The following CASD1 variants were observed in gnomAD, a reference collection of about 807,000 sequenced individuals.
CASD1 encodes CAS1 domain sialic acid O acetyltransferase 1, also known as N-acetylneuraminate (7)9-O-acetyltransferase.
A neutral mutation model predicts 100.0 loss-of-function variants in CASD1; 41 were observed. The ratio of observed to expected loss-of-function variants is 0.41; its 90% CI spans 0.32 to 0.53. CASD1 has a LOEUF of 0.53. Ranked by LOEUF, CASD1 falls within the 20% of genes least tolerant of loss-of-function variation. The pLI, the probability that CASD1 is intolerant of heterozygous loss-of-function variation, is 0.25. For missense variants in CASD1, 774 were observed against 948.7 expected (o/e 0.82, Z 2.42); for synonymous variants, 321 against 315.6 (o/e 1.02, Z -0.18).
the CASD1 span, chr7:94,589,596 C>T: frequency 6.6e-6 from 1 of 152,612 alleles, no homozygotes; most frequent in Admixed American, 6.5e-5. Context: ...CTCCCCATCA[C>T]TTGCATTACC....
At chr7:94,550,254 CT>C (rs1795885514) in intron 14 of CASD1, among the ~76,000 whole-genome samples, 1 of 151,978 alleles carries the variant, frequency 6.6e-6, no homozygotes, top group South Asian at 2.1e-4. Flanking sequence ...TCATTCTTTC[CT>C]TTTTTCCTTT....
chr7:94,533,250 G>GT lies in CASD1; in HGVS notation c.504+2dup. ...TGTGATTGTAGCAGGAGCTGCCACA[G>GT]TAAGTTATCATCTGTATTCTTACTT... On this transcript the variant is annotated splice_donor_variant, in intron 6 of 17. Coordinates refer to ENST00000297273, the MANE Select transcript of CASD1 (RefSeq NM_022900.5). LOFTEE classifies it high-confidence loss of function. 4.4e-6 allele frequency: 7 copies of GT among 1,608,172 alleles called. No homozygotes were observed. The highest frequency in any genetic ancestry group is 2.2e-5 in the East Asian group (1 of 44,696).
the CASD1 span, among the ~76,000 whole-genome samples, chr7:94,569,308 TCATC>T: frequency 6.6e-6 from 1 of 152,172 alleles, no homozygotes; most frequent in Non-Finnish European, 1.5e-5. Context: ...GGAACTAACA[TCATC>T]AATAAAGGAA....
At chr7:94,588,092 G>A in the CASD1 span, 3 of 1,222,044 alleles carry the variant, frequency 2.5e-6, no homozygotes, top group South Asian at 8.8e-5. Context: ...TCAGTATAGA[G>A]ATGAATGAAA....
At chr7:94,557,948 A>G (rs1796261231), downstream of CASD1, among the ~76,000 whole-genome samples, 1 of 152,108 alleles carries the variant, frequency 6.6e-6, no homozygotes, top group Non-Finnish European at 1.5e-5. Flanking sequence ...ACTCAATCAT[A>G]CCATTCTTTA....
chr7:94,580,904 C>T, the CASD1 span, among the ~76,000 whole-genome samples: 1 of 152,148 alleles, frequency 6.6e-6, no homozygotes, highest in Admixed American at 6.5e-5. Context: ...ATACCAATTG[C>T]ATCATTGTCA....
chr7:94,572,744 T>A, the CASD1 span, among the ~76,000 whole-genome samples: 3 of 152,318 alleles, frequency 2.0e-5, no homozygotes, highest in South Asian at 6.2e-4. Flanking sequence ...TTAGATCCCA[T>A]TTGTCATTTT....
chr7:94,566,289 A>G, the CASD1 span, among the ~76,000 whole-genome samples: 151 of 152,336 alleles, frequency 9.9e-4, no homozygotes, highest in African/African-American at 3.4e-3. Context: ...ATAGAATTTT[A>G]TAAGCAAGGA....
chr7:94,522,266 C>G (rs1376214917), intron 3 of CASD1, among the ~76,000 whole-genome samples: 1 of 151,986 alleles, frequency 6.6e-6, no homozygotes, highest in Non-Finnish European at 1.5e-5. Context: ...AAAGGATTCA[C>G]CAGGTAAATA....
At chr7:94,627,554 G>A in the CASD1 span, 1 of 152,358 alleles carries the variant, frequency 6.6e-6, no homozygotes, top group African/African-American at 2.4e-5. Context: ...ATAGTTCTCT[G>A]AGACCATGTG....
the CASD1 span, among the ~76,000 whole-genome samples, chr7:94,606,524 T>G: frequency 3.3e-5 from 5 of 152,196 alleles, no homozygotes; most frequent in Non-Finnish European, 7.4e-5. Flanking sequence ...AATCCACTAT[T>G]ATAGCTGGAC....
the CASD1 span, among the ~76,000 whole-genome samples, chr7:94,581,892 G>A: frequency 6.6e-6 from 1 of 152,166 alleles, no homozygotes; most frequent in Non-Finnish European, 1.5e-5. Flanking sequence ...TATATACCCA[G>A]CAATGGGATT....
chr7:94,623,416 C>G, the CASD1 span: 6 of 1,497,026 alleles, frequency 4.0e-6, no homozygotes, highest in Non-Finnish European at 5.6e-6. Context: ...AAAGGAAAAC[C>G]ATATTAAAGA....
chr7:94,540,133 A>G (rs1795324494), intron 10 of CASD1, among the ~76,000 whole-genome samples: 1 of 152,248 alleles, frequency 6.6e-6, no homozygotes. Flanking sequence ...GCTACATTAC[A>G]GTTACAACAA....
At chr7:94,596,798 C>T in the CASD1 span, among the ~76,000 whole-genome samples, 1 of 151,970 alleles carries the variant, frequency 6.6e-6, no homozygotes, top group Non-Finnish European at 1.5e-5. Flanking sequence ...TGCAGTGTTG[C>T]TACTACTTTT....
At position 94,518,357 on chromosome 7, in the gene CASD1, T is replaced by A. The variant is rs184799541; in HGVS notation, c.351+34T>A. 10 of 1,525,184 alleles carry A rather than the reference T, an allele frequency of 6.6e-6. No homozygotes were observed. The Admixed American group carries it at 1.1e-4, about 16-fold the overall frequency. 94.5% of individuals were successfully genotyped at this position (1,525,184 alleles called of 1,614,324 possible). ...TGTCTATTCCCTTCTGTAGAGTGTT[T>A]TAGAAGTTAACCAACTGAATAGTTA... On this transcript the variant is annotated intron_variant, in intron 3 of 17. Transcript: ENST00000297273.
At chr7:94,552,043 G>C (rs1207950862) in intron 15 of CASD1, 5 of 250,470 alleles carry the variant, frequency 2.0e-5, no homozygotes, top group African/African-American at 4.5e-5. Flanking sequence ...AATTTTAAAA[G>C]TTACAATAAA....
chr7:94,590,832 ATTAT>A, the CASD1 span: 1 of 152,318 alleles, frequency 6.6e-6, no homozygotes, highest in Admixed American at 6.5e-5. Context: ...ATTGATATGA[ATTAT>A]TTCAGCCAGG....
At chr7:94,576,158 C>T in the CASD1 span, among the ~76,000 whole-genome samples, 119,003 of 152,140 alleles carry the variant, frequency 0.78, 47,283 homozygotes, top group African/African-American at 0.92. Context: ...TCTCAAGCTC[C>T]ATTTATTTAC....
Sources: allele counts gnomAD v4.1 joint callset (sites outside exome capture counted in the v4.1 genomes callset), GRCh38; gene constraint gnomAD v4.1.1; transcripts MANE v1.5; gene names NCBI Gene and HGNC (gene_info 2026-07-23, HGNC 2026-07-21).